Variants in DNMT3A observed in about 807,000 individuals in gnomAD.
DNMT3A encodes the protein DNA methyltransferase 3 alpha.
A neutral mutation model predicts 117.6 loss-of-function variants in DNMT3A; 267 were observed. The ratio of observed to expected loss-of-function variants is 2.27; its 90% CI spans 2.05 to 2.51. The LOEUF (loss-of-function observed/expected upper bound fraction) is 2.51, where lower values mean the gene tolerates loss of function less well. Among genes scored for constraint, DNMT3A ranks in the 30% most tolerant of loss-of-function variants. The probability of loss-of-function intolerance (pLI) is 0.00; values close to 1 mark genes in which losing one functional copy is unlikely to be tolerated. For missense variants in DNMT3A, 1,029 were observed against 1,260.2 expected (o/e 0.82, Z 2.78); for synonymous variants, 432 against 474.8 (o/e 0.91, Z 1.17).
chr2:25,240,183 C>A, intron 19 of DNMT3A, 119 bp downstream of exon 19: 2 of 1,446,978 alleles, frequency 1.4e-6, no homozygotes, highest in Non-Finnish European at 1.9e-6. Context: ...CCCAAACAGG[C>A]CCCTTGCAAA....
At chr2:25,324,222 C>T (rs541640436) in intron 1 of DNMT3A, among the ~76,000 whole-genome samples, 1 of 152,314 alleles carries the variant, frequency 6.6e-6, no homozygotes, top group African/African-American at 2.4e-5. Context: ...TACCATGTGC[C>T]AAGCACTGTG....
At position 25,311,278 on chromosome 2, in the gene DNMT3A, C is replaced by T. The variant is rs930134313; in HGVS notation, c.72+2635G>A. Among the ~76,000 whole-genome samples, 5 of 152,234 alleles carry T rather than the reference C, an allele frequency of 3.3e-5. No homozygotes were observed. The highest frequency in any genetic ancestry group is 5.9e-5 in the Non-Finnish European group (4 of 68,038). On this transcript the variant is annotated intron_variant, in intron 2 of 22. Transcript: ENST00000321117. The surrounding 1 kb of genome is among the most constrained non-coding windows in gnomAD (Gnocchi z 5.2). ...GTGCCCCTGGCACCTGTGCCAGGCT[C>T]CCTGGGCTGCAGACCAAGCCTGTGT...
chr2:25,287,938 G>A (rs539369209), intron 3 of DNMT3A, among the ~76,000 whole-genome samples: 37 of 151,658 alleles, frequency 2.4e-4, no homozygotes, highest in Non-Finnish European at 4.7e-4. Flanking sequence ...GGGTTCAAGC[G>A]ATTCTCCTGC....
In DNMT3A at chr2:25,282,059, G is replaced by C. The variant is rs941994694; in HGVS notation, c.448+382C>G. The stretch of plus-strand genomic sequence containing the variant: ...GCCAGGTAGAGCTGCAGAAAACTAA[G>C]GCCCACAACCAGCCACAGAAGGCGA... On this transcript the variant is annotated intron_variant, in intron 4 of 22. Coordinates refer to ENST00000321117, the MANE Select transcript of DNMT3A (RefSeq NM_022552.5). The surrounding 1 kb of genome is among the most constrained non-coding windows in gnomAD (Gnocchi z 5.2). 1 of 1,158,232 alleles carries C rather than the reference G, an allele frequency of 8.6e-7. No individual in the cohort carries two copies. Among genetic ancestry groups the C allele is most frequent in the Admixed American group, 4.3e-5 (1 of 23,402 alleles). The allele number at this position is 1,158,232 out of a possible 1,614,324, so 71.7% of individuals were successfully genotyped here.
intron 1 of DNMT3A, among the ~76,000 whole-genome samples, chr2:25,315,584 AC>A (rs1170921195): frequency 2.5e-4 from 38 of 152,280 alleles, no homozygotes; most frequent in Non-Finnish European, 5.6e-4. Context: ...GCCACATGCC[AC>A]TCAGGGCCTG....
rs973723475 is a variant in DNMT3A at position 25,228,648 on chromosome 2, A to AAAAC, written c.*5627_*5630dup. 3 of 152,258 alleles carry AAAAC rather than the reference A, an allele frequency of 2.0e-5. No homozygotes were observed. The highest frequency in any genetic ancestry group is 7.2e-5 in the African/African-American group (3 of 41,466). 9.4% of individuals were successfully genotyped at this position (152,258 alleles called of 1,614,324 possible). The stretch of plus-strand genomic sequence containing the variant: ...CTTTTAAACTCCACTACAAGAAAAC[A>AAAAC]AAACAAACAGTCATTGTCCAGACAG... On this transcript the variant is annotated 3_prime_UTR_variant, in exon 23 of 23. Coordinates refer to ENST00000321117, the MANE Select transcript of DNMT3A (RefSeq NM_022552.5).
At chr2:25,275,410 G>GCCCCCCCCC in intron 5 of DNMT3A, 90 bp downstream of exon 5, 2 of 1,451,158 alleles carry the variant, frequency 1.4e-6, no homozygotes, top group South Asian at 1.3e-5. Context: ...AGGAGGAGGG[G>GCCCCCCCCC]CCCACCCTCC....
At chr2:25,259,308 G>A (rs1471531061) in intron 6 of DNMT3A, among the ~76,000 whole-genome samples, 2 of 152,202 alleles carry the variant, frequency 1.3e-5, no homozygotes, top group African/African-American at 4.8e-5. Context: ...GCCAGGGCAG[G>A]GGTGGGAGAG....
In DNMT3A at chr2:25,286,100, G is replaced by A. The variant is rs750332683; in HGVS notation, c.178-3389C>T. ...CTCTGAGCCCCGCAAAGCTGCTGGAGGCAACTCCACTGTCACTCACTTCCT... is the reference window on the plus strand; with the variant it reads ...CTCTGAGCCCCGCAAAGCTGCTGGAAGCAACTCCACTGTCACTCACTTCCT... On this transcript the variant is annotated intron_variant, in intron 3 of 22. Coordinates refer to ENST00000321117, the MANE Select transcript of DNMT3A (RefSeq NM_022552.5). This position sits in a 1 kb window ranked among gnomAD's most constrained non-coding sequence, Gnocchi z 4.3. 1.2e-4 allele frequency among the ~76,000 whole-genome samples: 18 copies of A among 152,178 alleles called. No individual in the cohort carries two copies. Among genetic ancestry groups the A allele is most frequent in the Non-Finnish European group, 1.8e-4 (12 of 68,022 alleles).
chr2:25,232,470 G>A lies in DNMT3A; in HGVS notation c.*1809C>T, dbSNP rs1195725747. 8 of 152,214 alleles carry A rather than the reference G, an allele frequency of 5.3e-5. No individual in the cohort carries two copies. Among genetic ancestry groups the A allele is most frequent in the Non-Finnish European group, 7.3e-5 (5 of 68,052 alleles). The allele number at this position is 152,214 out of a possible 1,614,324, so 9.4% of individuals were successfully genotyped here. A position where few individuals can be genotyped will look rare whatever the true frequency, so the allele number is the denominator to read the frequency against. On this transcript the variant is annotated 3_prime_UTR_variant, in exon 23 of 23. Transcript: ENST00000321117. The surrounding 1 kb of genome is among the most constrained non-coding windows in gnomAD (Gnocchi z 4.1). ...ACAGCTATCATCAGACCAAGTACTA[G>A]AAAAGAAATACACACCACTCCAATC...
rs745593587 is a variant in DNMT3A at position 25,282,549 on chromosome 2, C to A, written c.340G>T (p.Ala114Ser). ...GSPAGGQKGG[A>S]PAEGEGAAET... ...GCTGCACCCTCTCCCTCTGCTGGGGCCCCGCCCTTCTGCCCCCCAGCAGGG... is the reference window on the plus strand; with the variant it reads ...GCTGCACCCTCTCCCTCTGCTGGGGACCCGCCCTTCTGCCCCCCAGCAGGG... Residue 114 changes from alanine to serine, a missense_variant, in exon 4 of 23, where the codon GCC becomes TCC. Coordinates refer to ENST00000321117, the MANE Select transcript of DNMT3A (RefSeq NM_022552.5). The surrounding 1 kb of genome is among the most constrained non-coding windows in gnomAD (Gnocchi z 5.2). 2.5e-6 allele frequency: 4 copies of A among 1,613,352 alleles called. No homozygotes were observed. The South Asian group carries it at 4.4e-5, about 18-fold the overall frequency.
intron 6 of DNMT3A, 109 bp downstream of exon 6, chr2:25,274,832 G>A: frequency 6.8e-7 from 1 of 1,461,570 alleles, no homozygotes; most frequent in Non-Finnish European, 9.1e-7. Context: ...GAGATTAAGA[G>A]GCTCCCAGTA....
intron 1 of DNMT3A, among the ~76,000 whole-genome samples, chr2:25,336,193 A>G (rs938894688): frequency 6.6e-6 from 1 of 152,166 alleles, no homozygotes; most frequent in Admixed American, 6.5e-5. Flanking sequence ...GGCCGTCTGC[A>G]GGGCACCTCC....
Position 25,247,350 on chromosome 2 carries a change from T to C in DNMT3A, c.1015-192A>G. On this transcript the variant is annotated intron_variant, in intron 8 of 22. Transcript: ENST00000321117. The surrounding 1 kb of genome is among the most constrained non-coding windows in gnomAD (Gnocchi z 5.6). ...GAGTAGGGAAGTACCTGAGTGCAGG[T>C]GGAAAGGAATTCTAGTGAATAGGTT... 1 of 781,382 alleles carries C rather than the reference T, an allele frequency of 1.3e-6. No homozygotes were observed. The allele number at this position is 781,382 out of a possible 1,614,324, so 48.4% of individuals were successfully genotyped here. A position where few individuals can be genotyped will look rare whatever the true frequency, so the allele number is the denominator to read the frequency against.
At chr2:25,270,618 CT>C (rs1182174260) in intron 6 of DNMT3A, among the ~76,000 whole-genome samples, 1 of 151,072 alleles carries the variant, frequency 6.6e-6, no homozygotes, top group African/African-American at 2.4e-5. Flanking sequence ...GAGGAGGGTA[CT>C]TGGATCTAGG....
intron 6 of DNMT3A, among the ~76,000 whole-genome samples, chr2:25,262,263 C>T (rs2149345580): frequency 6.6e-6 from 1 of 151,930 alleles, no homozygotes; most frequent in South Asian, 2.1e-4. Flanking sequence ...TATCCAAACC[C>T]TAGCTCAAAA....
chr2:25,328,353 G>A (rs1199914503), intron 1 of DNMT3A, among the ~76,000 whole-genome samples: 1 of 151,982 alleles, frequency 6.6e-6, no homozygotes, highest in African/African-American at 2.4e-5. Flanking sequence ...CATCATTCCA[G>A]GCCCGGCTGC....
intron 2 of DNMT3A, among the ~76,000 whole-genome samples, chr2:25,303,009 T>A (rs1406647799): frequency 2.0e-5 from 3 of 152,084 alleles, no homozygotes; most frequent in Non-Finnish European, 4.4e-5. Flanking sequence ...GCTTCTCAGG[T>A]TTTGAGAAGA....
rs1332489510 is a variant in DNMT3A, at chr2:25,305,284, G to T, written c.73-5041C>A. Reference sequence around the variant, plus strand: ...TATGTCATTCTTTGCAGCTTTCAAAGCACCTTCACATTTGGTGGCCTGTGA... The same window carrying T: ...TATGTCATTCTTTGCAGCTTTCAAATCACCTTCACATTTGGTGGCCTGTGA... On this transcript the variant is annotated intron_variant, in intron 2 of 22. Transcript: ENST00000321117. This position sits in a 1 kb window ranked among gnomAD's most constrained non-coding sequence, Gnocchi z 4.1. 6.6e-6 allele frequency among the ~76,000 whole-genome samples: 1 copy of T among 152,198 alleles called. No homozygotes were observed. The highest frequency in any genetic ancestry group is 1.5e-5 in the Non-Finnish European group (1 of 68,046).
Sources: allele counts gnomAD v4.1 joint callset (sites outside exome capture counted in the v4.1 genomes callset), GRCh38; gene constraint gnomAD v4.1.1; non-coding constraint Gnocchi (gnomAD v3.1); transcripts MANE v1.5; gene names NCBI Gene and HGNC (gene_info 2026-07-23, HGNC 2026-07-21).